Variants in FGF12 observed in about 807,000 individuals in gnomAD.
FGF12 encodes the protein fibroblast growth factor 12, also known as fibroblast growth factor 12B.
In FGF12, 14 loss-of-function variants were observed where a neutral mutation model predicts 23.6. The observed-to-expected ratio is 0.59, with a 90% CI of 0.39 to 0.93. The LOEUF is 0.93. FGF12 is among the 40% of genes least tolerant of loss of function. FGF12 has a pLI of 0.00. For synonymous variants in FGF12, 62 were observed against 77.3 expected (o/e 0.80, Z 1.04); for missense variants, 175 against 217.8 (o/e 0.80, Z 1.24).
intron 4 of FGF12, among the ~76,000 whole-genome samples, chr3:192,236,768 G>A (rs1222701103): frequency 6.6e-6 from 1 of 152,014 alleles, no homozygotes; most frequent in Admixed American, 6.6e-5. Context: ...CTACAGTTGG[G>A]TCTTGCTTTT....
At chr3:192,167,753 ATATATATATATATATAAAAT>A (rs1715271779) in intron 5 of FGF12, among the ~76,000 whole-genome samples, 2 of 27,560 alleles carry the variant, frequency 7.3e-5, no homozygotes, top group Admixed American at 4.2e-4. Flanking sequence ...ATATATATAT[ATATATATATATATATAAAAT>A]TTTTTTTTTT....
intron 2 of FGF12, among the ~76,000 whole-genome samples, chr3:192,586,706 T>C (rs901679747): frequency 6.6e-6 from 1 of 152,208 alleles, no homozygotes; most frequent in Non-Finnish European, 1.5e-5. Context: ...AGACTAAATT[T>C]CATCCTCTCA....
At chr3:192,197,214 G>A (rs1391383368) in intron 4 of FGF12, among the ~76,000 whole-genome samples, 1 of 151,916 alleles carries the variant, frequency 6.6e-6, no homozygotes, top group Admixed American at 6.6e-5. Flanking sequence ...AGTGATGTTT[G>A]TTTTACACTC....
chr3:192,431,954 T>C (rs1266232681), intron 2 of FGF12, among the ~76,000 whole-genome samples: 1 of 152,186 alleles, frequency 6.6e-6, no homozygotes, highest in Non-Finnish European at 1.5e-5. Context: ...CACTATGCTG[T>C]TTCCACAATG....
chr3:192,596,649 T>A (rs980654863), intron 2 of FGF12, among the ~76,000 whole-genome samples: 2 of 152,106 alleles, frequency 1.3e-5, no homozygotes, highest in African/African-American at 4.8e-5. Flanking sequence ...TGACACACAA[T>A]GAAAACTAGA....
At chr3:192,465,470 AAAGTT>A (rs1722983391) in intron 2 of FGF12, among the ~76,000 whole-genome samples, 1 of 152,210 alleles carries the variant, frequency 6.6e-6, no homozygotes, top group Non-Finnish European at 1.5e-5. Flanking sequence ...TGTGCAGAAA[AAAGTT>A]AAGAAAGTGG....
intron 3 of FGF12, among the ~76,000 whole-genome samples, chr3:192,359,478 G>T (rs557147240): frequency 2.0e-5 from 3 of 152,128 alleles, no homozygotes; most frequent in Non-Finnish European, 4.4e-5. Flanking sequence ...AGCATTTATT[G>T]TGTGCTCAAC....
At chr3:192,317,168 TAGG>T (rs149355470) in intron 4 of FGF12, among the ~76,000 whole-genome samples, 13,736 of 151,694 alleles carry the variant, frequency 0.091, 813 homozygotes, top group East Asian at 0.22. Flanking sequence ...GTAGTGGCTA[TAGG>T]AAGAGACTCC....
In FGF12 at chr3:192,504,136, A is replaced by G. The variant is rs186682995; in HGVS notation, c.14-143598T>C. Among the ~76,000 whole-genome samples, 15 of 152,190 alleles carry G rather than the reference A, an allele frequency of 9.9e-5. No homozygotes were observed. The East Asian group carries it at 2.9e-3, about 29-fold the overall frequency. ...TCTCACTTATAAGTGGGAGACAAAGAAAGAGGACATATAAACACTAAGAGA... is the reference window on the plus strand; with the variant it reads ...TCTCACTTATAAGTGGGAGACAAAGGAAGAGGACATATAAACACTAAGAGA... On this transcript the variant is annotated intron_variant, in intron 2 of 5. Coordinates refer to ENST00000445105, the MANE Select transcript of FGF12 (RefSeq NM_004113.6).
intron 2 of FGF12, among the ~76,000 whole-genome samples, chr3:192,485,522 A>G (rs9291026): frequency 0.1 from 15,962 of 152,208 alleles, 2,687 homozygotes; most frequent in African/African-American, 0.36. Context: ...CAAATATTCA[A>G]CAAGAAATTT....
At chr3:192,206,573 T>A (rs1411885495) in intron 4 of FGF12, among the ~76,000 whole-genome samples, 1 of 152,218 alleles carries the variant, frequency 6.6e-6, no homozygotes, top group East Asian at 1.9e-4. Context: ...TTAGTCCAGT[T>A]TAACAGCACT....
intron 2 of FGF12, among the ~76,000 whole-genome samples, chr3:192,428,741 AAAG>A (rs1721765399): frequency 1.3e-5 from 2 of 152,196 alleles, no homozygotes; most frequent in African/African-American, 4.8e-5. Flanking sequence ...AAACTAACAG[AAAG>A]AAGGAGGGAT....
intron 4 of FGF12, among the ~76,000 whole-genome samples, chr3:192,272,362 A>C (rs1195726797): frequency 1.3e-5 from 2 of 152,114 alleles, no homozygotes; most frequent in African/African-American, 4.8e-5. Context: ...ATATTATCTG[A>C]TTTTGTGAAA....
intron 2 of FGF12, among the ~76,000 whole-genome samples, chr3:192,638,001 C>A (rs1715647369): frequency 6.6e-6 from 1 of 152,182 alleles, no homozygotes; most frequent in African/African-American, 2.4e-5. Flanking sequence ...TCTTTCTATT[C>A]ATATTATAAC....
At chr3:192,320,733 T>G (rs1460617419) in intron 4 of FGF12, among the ~76,000 whole-genome samples, 2 of 152,058 alleles carry the variant, frequency 1.3e-5, no homozygotes, top group East Asian at 3.8e-4. Flanking sequence ...ATAAAGAAAT[T>G]AAGAAATAAA....
At chr3:192,548,616 T>C (rs2108583441) in intron 2 of FGF12, among the ~76,000 whole-genome samples, 1 of 152,296 alleles carries the variant, frequency 6.6e-6, no homozygotes, top group Non-Finnish European at 1.5e-5. Context: ...GTTAACTAAT[T>C]AATCAAGGTA....
Position 192,408,107 on chromosome 3 carries a change from G to C in FGF12, c.14-47569C>G. On this transcript the variant is annotated intron_variant, in intron 2 of 5. Transcript: ENST00000445105. This position sits in a 1 kb window ranked among gnomAD's most constrained non-coding sequence, Gnocchi z 7.3. ...CCCCGAGGACGTGCCTCTCGCACAG[G>C]GAGCGCCCGTCTTTGCTGGGGCTGG... 1.2e-6 allele frequency: 2 copies of C among 1,613,164 alleles called. No homozygotes were observed. Among genetic ancestry groups the C allele is most frequent in the African/African-American group, 1.3e-5 (1 of 75,064 alleles).
At chr3:192,305,445 C>T (rs911084453) in intron 4 of FGF12, among the ~76,000 whole-genome samples, 2 of 151,766 alleles carry the variant, frequency 1.3e-5, no homozygotes, top group African/African-American at 4.8e-5. Flanking sequence ...CCTCCCACTC[C>T]TTCTCTGCCT....
At chr3:192,221,119 C>T (rs538771899) in intron 4 of FGF12, among the ~76,000 whole-genome samples, 2 of 152,166 alleles carry the variant, frequency 1.3e-5, no homozygotes, top group Non-Finnish European at 2.9e-5. Context: ...ACCTTTGGTG[C>T]TGCTTGGATT....
Sources: allele counts gnomAD v4.1 joint callset (sites outside exome capture counted in the v4.1 genomes callset), GRCh38; gene constraint gnomAD v4.1.1; non-coding constraint Gnocchi (gnomAD v3.1); transcripts MANE v1.5; gene names NCBI Gene and HGNC (gene_info 2026-07-23, HGNC 2026-07-21).